Variants in BNC2 observed in about 807,000 individuals in gnomAD.
BNC2 encodes the protein zinc finger protein basonuclin-2.
A neutral mutation model predicts 76.3 loss-of-function variants in BNC2; 20 were observed. That is an observed-to-expected ratio of 0.26 (90% confidence interval 0.18 to 0.38). BNC2 has a LOEUF of 0.38. Ranked by LOEUF, BNC2 falls within the 10% of genes least tolerant of loss-of-function variation. The pLI, the probability that BNC2 is intolerant of heterozygous loss-of-function variation, is 1.00. For missense variants in BNC2, 1,382 were observed against 1,399.8 expected, an observed-to-expected ratio of 0.99 and a Z score of 0.20; for synonymous variants, 582 against 514.8, an observed-to-expected ratio of 1.13 and a Z score of -1.77.
chr9:16,683,604 T>A (rs746784803), intron 3 of BNC2, among the ~76,000 whole-genome samples: 1 of 151,984 alleles, frequency 6.6e-6, no homozygotes, highest in Non-Finnish European at 1.5e-5. Context: ...TAGGAAAAAA[T>A]TTAAAAAGGA....
At chr9:16,640,786 G>A (rs941502319) in intron 3 of BNC2, among the ~76,000 whole-genome samples, 1 of 152,168 alleles carries the variant, frequency 6.6e-6, no homozygotes. Context: ...CTAGGGAAGA[G>A]TCCAAACTGG....
At chr9:16,854,069 C>A (rs918380198) in intron 1 of BNC2, among the ~76,000 whole-genome samples, 2 of 152,268 alleles carry the variant, frequency 1.3e-5, no homozygotes, top group Non-Finnish European at 2.9e-5. Context: ...CTCCCTGGAC[C>A]ACCAACTTCT....
At chr9:16,861,947 C>T (rs1819421300) in intron 1 of BNC2, among the ~76,000 whole-genome samples, 1 of 151,836 alleles carries the variant, frequency 6.6e-6, no homozygotes, top group South Asian at 2.1e-4. Flanking sequence ...CGAGATTGCA[C>T]CACTGGACTC....
At chr9:16,476,642 C>T (rs10962436) in intron 5 of BNC2, among the ~76,000 whole-genome samples, 22,673 of 151,636 alleles carry the variant, frequency 0.15, 2,545 homozygotes, top group East Asian at 0.32. Flanking sequence ...AAAGCAGGGA[C>T]CACGGGTTTA....
intron 1 of BNC2, among the ~76,000 whole-genome samples, chr9:16,746,887 TG>T (rs1473311672): frequency 1.3e-5 from 2 of 150,218 alleles, no homozygotes; most frequent in African/African-American, 4.9e-5. Context: ...AAGTAAACTC[TG>T]GAGGCAGAGC....
chr9:16,542,185 A>C (rs1227925294), intron 5 of BNC2, among the ~76,000 whole-genome samples: 1 of 152,186 alleles, frequency 6.6e-6, no homozygotes, highest in Non-Finnish European at 1.5e-5. Flanking sequence ...TTTGGTTCTC[A>C]AAGTCTTTGA....
At chr9:16,858,400 T>G (rs1049865798) in intron 1 of BNC2, among the ~76,000 whole-genome samples, 6 of 152,220 alleles carry the variant, frequency 3.9e-5, no homozygotes, top group Non-Finnish European at 8.8e-5. Context: ...TCTTGTCCCC[T>G]GGAGTACTAC....
intron 1 of BNC2, among the ~76,000 whole-genome samples, chr9:16,780,004 A>C (rs1182270139): frequency 6.6e-6 from 1 of 152,082 alleles, no homozygotes; most frequent in Admixed American, 6.5e-5. Flanking sequence ...TGGGAGGCCG[A>C]GGCGGGCGGA....
intron 1 of BNC2, among the ~76,000 whole-genome samples, chr9:16,780,432 C>T (rs1303833999): frequency 1.3e-5 from 2 of 151,252 alleles, no homozygotes. Context: ...ATTATCTGGG[C>T]GTAGTGGCGG....
intron 3 of BNC2, among the ~76,000 whole-genome samples, chr9:16,690,245 G>C (rs532365688): frequency 1.3e-5 from 2 of 152,244 alleles, no homozygotes; most frequent in African/African-American, 4.8e-5. Context: ...TGTAATCCTA[G>C]CACTTAGGGA....
chr9:16,511,801 G>T (rs1007894266), intron 5 of BNC2, among the ~76,000 whole-genome samples: 1 of 152,020 alleles, frequency 6.6e-6, no homozygotes, highest in African/African-American at 2.4e-5. Flanking sequence ...GTAAGCAAAG[G>T]TATTTTTTCA....
intron 3 of BNC2, among the ~76,000 whole-genome samples, chr9:16,623,547 CA>C (rs1820918513): frequency 6.6e-6 from 1 of 152,158 alleles, no homozygotes; most frequent in Non-Finnish European, 1.5e-5. Context: ...CTTTGTAAAG[CA>C]ATTCAGTCGA....
chr9:16,741,572 A>G lies in BNC2; in HGVS notation c.4-3087T>C, dbSNP rs192062533. ...ATAATAAACAAGCTGACTGGGTCCA[A>G]GAAAGTATAGCTCAGAGTTCCCAGT... is the stretch of plus-strand genomic sequence containing the variant. On this transcript the variant is annotated intron_variant, in intron 1 of 6. Transcript: ENST00000380672. Among the ~76,000 whole-genome samples the G allele has an allele frequency of 4.7e-3, 713 of 152,352 alleles. 2 individuals carry two copies. The highest frequency in any genetic ancestry group is 0.016 in the African/African-American group (675 of 41,582).
intron 1 of BNC2, among the ~76,000 whole-genome samples, chr9:16,763,938 C>T (rs1423459206): frequency 3.9e-5 from 6 of 152,142 alleles, no homozygotes; most frequent in Non-Finnish European, 5.9e-5. Flanking sequence ...CACTCCCTAC[C>T]GGAAGACTAT....
chr9:16,694,659 T>C (rs945022250), intron 3 of BNC2, among the ~76,000 whole-genome samples: 3 of 152,310 alleles, frequency 2.0e-5, no homozygotes, highest in Admixed American at 2.0e-4. Context: ...CGGTTTTCTT[T>C]GCATGCAAAG....
chr9:16,853,423 A>G (rs1586937268), intron 1 of BNC2, among the ~76,000 whole-genome samples: 1 of 150,078 alleles, frequency 6.7e-6, no homozygotes, highest in East Asian at 2.0e-4. Context: ...AAAAAAAAAA[A>G]GCATAATGAC....
At chr9:16,633,909 T>G (rs758924446) in intron 3 of BNC2, among the ~76,000 whole-genome samples, 1 of 152,220 alleles carries the variant, frequency 6.6e-6, no homozygotes, top group Non-Finnish European at 1.5e-5. Context: ...AAATATATTA[T>G]AATTATTTTT....
intron 1 of BNC2, chr9:16,832,337 G>A (rs1818595354): frequency 1.6e-6 from 2 of 1,261,836 alleles, no homozygotes; most frequent in African/African-American, 1.6e-5. Context: ...GAATTCCAGA[G>A]AAAACCAGGC....
intron 1 of BNC2, among the ~76,000 whole-genome samples, chr9:16,779,316 A>G (rs945843699): frequency 6.6e-6 from 1 of 151,638 alleles, no homozygotes; most frequent in Non-Finnish European, 1.5e-5. Context: ...AAAAAAAAAA[A>G]AAAGATTTTG....
Sources: allele counts gnomAD v4.1 joint callset (sites outside exome capture counted in the v4.1 genomes callset), GRCh38; gene constraint gnomAD v4.1.1; transcripts MANE v1.5; gene names NCBI Gene and HGNC (gene_info 2026-07-23, HGNC 2026-07-21).